TOR3A: variants seen among roughly 807,000 people sequenced by gnomAD.
TOR3A encodes torsin-3A.
In TOR3A, 44 loss-of-function variants were observed where a neutral mutation model predicts 42.1. The observed-to-expected ratio is 1.04, with a 90% CI of 0.82 to 1.34. The LOEUF (loss-of-function observed/expected upper bound fraction) is 1.34, where lower values mean the gene tolerates loss of function less well. TOR3A is among the 40% of genes most tolerant of loss of function. The pLI is 0.00. For synonymous variants in TOR3A, 227 were observed against 213.2 expected (o/e 1.06, Z -0.57); for missense variants, 521 against 507.6 (o/e 1.03, Z -0.25).
chr1:179,093,177 C>T (rs1024882771), intron 4 of TOR3A, among the ~76,000 whole-genome samples: 1 of 152,122 alleles, frequency 6.6e-6, no homozygotes, highest in African/African-American at 2.4e-5. Flanking sequence ...GGCCAAGTCT[C>T]CACTACCTCT....
chr1:179,095,846 A>AGAT lies in TOR3A; in HGVS notation c.*629_*631dup, dbSNP rs1166841511. 2.0e-6 allele frequency: 2 copies of AGAT among 985,922 alleles called. No individual in the cohort carries two copies. Among genetic ancestry groups the AGAT allele is most frequent in the African/African-American group, 3.5e-5 (2 of 57,046 alleles). The allele number at this position is 985,922 out of a possible 1,614,324, so 61.1% of individuals were successfully genotyped here. A position where few individuals can be genotyped will look rare whatever the true frequency, so the allele number is the denominator to read the frequency against. On this transcript the variant is annotated 3_prime_UTR_variant, in exon 6 of 6. Transcript: ENST00000367627. Reference sequence around the variant, plus strand: ...GCTGAAGGGAAAAGTACACAGAGGAAGATATTTTACAAACCAGGTCAGTGT... The same window carrying AGAT: ...GCTGAAGGGAAAAGTACACAGAGGAAGATGATATTTTACAAACCAGGTCAGTGT...
At chr1:179,090,406 T>C (rs745357762) in intron 4 of TOR3A, among the ~76,000 whole-genome samples, 4 of 152,204 alleles carry the variant, frequency 2.6e-5, no homozygotes, top group South Asian at 2.1e-4. Context: ...ACTGTTGATA[T>C]TGGAGTCTCT....
rs1366415045 is a variant in TOR3A, at chr1:179,087,070, C to T, written c.640-841C>T. Among the ~76,000 whole-genome samples, 3 of 152,254 alleles carry T rather than the reference C, an allele frequency of 2.0e-5. No individual in the cohort carries two copies. In the East Asian group the frequency reaches 5.8e-4, roughly 29 times the overall value. On this transcript the variant is annotated intron_variant, in intron 3 of 5. Coordinates refer to ENST00000367627, the MANE Select transcript of TOR3A (RefSeq NM_022371.4). ...AGCCCCAGCTTCCCTGCTGTGAAAACTGGCATGTGCATAGCCCTGCACCTC... is the reference window on the plus strand; with the variant it reads ...AGCCCCAGCTTCCCTGCTGTGAAAATTGGCATGTGCATAGCCCTGCACCTC...
At chr1:179,084,195 C>G (rs1469360188) in intron 2 of TOR3A, among the ~76,000 whole-genome samples, 1 of 152,132 alleles carries the variant, frequency 6.6e-6, no homozygotes, top group Non-Finnish European at 1.5e-5. Context: ...CTGAAGAGTC[C>G]TTCCCAAGTG....
intron 3 of TOR3A, among the ~76,000 whole-genome samples, chr1:179,086,942 C>T (rs1426642916): frequency 2.6e-5 from 4 of 152,170 alleles, no homozygotes; most frequent in Non-Finnish European, 4.4e-5. Context: ...AGAGGCTGCC[C>T]GCGTCTCCTG....
chr1:179,089,887 G>A (rs1388134376), intron 4 of TOR3A, among the ~76,000 whole-genome samples: 1 of 152,060 alleles, frequency 6.6e-6, no homozygotes, highest in Admixed American at 6.5e-5. Flanking sequence ...GCTTCAGGTG[G>A]TGCCGGCCAC....
chr1:179,087,534 C>T (rs1336654523), intron 3 of TOR3A, among the ~76,000 whole-genome samples: 1 of 152,148 alleles, frequency 6.6e-6, no homozygotes, highest in Admixed American at 6.5e-5. Context: ...TGAAAGTTTG[C>T]GGGTGTGTGG....
chr1:179,088,676 GT>G lies in TOR3A; in HGVS notation c.818+588del, dbSNP rs553517106. On this transcript the variant is annotated intron_variant, in intron 4 of 5. Transcript: ENST00000367627. ...AAACCCATGCTTCCTCTGAGTACCTGTAGTTCAGTTGTGACGCTACCATGCG... is the reference window on the plus strand; with the variant it reads ...AAACCCATGCTTCCTCTGAGTACCTGAGTTCAGTTGTGACGCTACCATGCG... 3.9e-4 allele frequency among the ~76,000 whole-genome samples: 59 copies of G among 152,236 alleles called. 1 individual carries two copies. Among genetic ancestry groups the G allele is most frequent in the Non-Finnish European group, 3.5e-4 (24 of 68,050 alleles).
At chr1:179,087,416 CTT>C (rs1319945443) in intron 3 of TOR3A, among the ~76,000 whole-genome samples, 1 of 152,214 alleles carries the variant, frequency 6.6e-6, no homozygotes, top group Non-Finnish European at 1.5e-5. Flanking sequence ...ATGAGCCTCT[CTT>C]TGCCCATCAC....
intron 4 of TOR3A, among the ~76,000 whole-genome samples, chr1:179,090,697 A>C (rs1316320759): frequency 6.6e-6 from 1 of 151,972 alleles, no homozygotes; most frequent in Non-Finnish European, 1.5e-5. Context: ...CGGGCCAGGG[A>C]ATTGGGGCCG....
chr1:179,088,914 G>A (rs1206583788), intron 4 of TOR3A, among the ~76,000 whole-genome samples: 1 of 152,216 alleles, frequency 6.6e-6, no homozygotes, highest in Admixed American at 6.5e-5. Context: ...GTCAAACTGA[G>A]TGCTCCCTTC....
chr1:179,087,887 A>G, intron 3 of TOR3A, 24 bp from the exon 4 acceptor site: 1 of 1,519,644 alleles, frequency 6.6e-7, no homozygotes, highest in Non-Finnish European at 8.8e-7. Flanking sequence ...CCACTTCCCC[A>G]GCTGCTCCCT....
chr1:179,087,798 TG>T, intron 3 of TOR3A, 112 bp from the exon 4 acceptor site: 1 of 927,606 alleles, frequency 1.1e-6, no homozygotes, highest in Non-Finnish European at 1.5e-6. Flanking sequence ...GGGCGGGGGG[TG>T]GGGAACCCAG....
intron 5 of TOR3A, among the ~76,000 whole-genome samples, 200 bp from the exon 6 acceptor site, chr1:179,094,767 TA>T (rs1652688063): frequency 6.6e-6 from 1 of 152,118 alleles, no homozygotes; most frequent in Non-Finnish European, 1.5e-5. Flanking sequence ...TGGTCCCAGT[TA>T]CTCACAGGCT....
chr1:179,090,509 G>T (rs1372894211), intron 4 of TOR3A, among the ~76,000 whole-genome samples: 1 of 152,258 alleles, frequency 6.6e-6, no homozygotes, highest in Non-Finnish European at 1.5e-5. Context: ...CAAACTGCTA[G>T]AGTGACCAAG....
Position 179,095,801 on chromosome 1 carries a change from G to GA in TOR3A, c.*585dup, listed in dbSNP as rs1553210617. On this transcript the variant is annotated 3_prime_UTR_variant, in exon 6 of 6. Coordinates refer to ENST00000367627, the MANE Select transcript of TOR3A (RefSeq NM_022371.4). ...AAGCCAAGCTGCTTCTGTTGTGAGCGAATCAGCCAAGAGCCTGAGGCTGAA... is the reference window on the plus strand; with the variant it reads ...AAGCCAAGCTGCTTCTGTTGTGAGCGAAATCAGCCAAGAGCCTGAGGCTGAA... 152 of 987,304 alleles carry GA rather than the reference G, an allele frequency of 1.5e-4. No homozygotes were observed. The highest frequency in any genetic ancestry group is 1.7e-4 in the Non-Finnish European group (140 of 831,504). The allele number at this position is 987,304 out of a possible 1,614,324, so 61.2% of individuals were successfully genotyped here.
At position 179,085,757 on chromosome 1, in the gene TOR3A, G is replaced by C; in HGVS notation, c.503G>C (p.Trp168Ser). 1 of 1,614,228 alleles carries C rather than the reference G, an allele frequency of 6.2e-7. No homozygotes were observed. The change falls in exon 3 of 6, where the codon TGG becomes TCG. Residue 168 changes from tryptophan (W) to serine (S), a missense_variant. Physicochemically the swap from Trp to Ser is radical, Grantham distance 177 (BLOSUM62 -3). Transcript: ENST00000367627. The stretch of plus-strand genomic sequence containing the variant: ...GCCCTTGCTCTGTCGTTCCACGGCT[G>C]GTCTGGCACAGGCAAGAACTTCGTG... ...EKALALSFHG[W>S]SGTGKNFVAR... is the part of the protein sequence containing the mutation.
chr1:179,093,190 C>T (rs1314556506), intron 4 of TOR3A, among the ~76,000 whole-genome samples: 1 of 152,162 alleles, frequency 6.6e-6, no homozygotes, highest in Non-Finnish European at 1.5e-5. Flanking sequence ...CTACCTCTGT[C>T]CCAGCTTCCC....
rs1161507936 is a variant in TOR3A at position 179,084,295 on chromosome 1, C to T, written c.373+1242C>T. Among the ~76,000 whole-genome samples the T allele has an allele frequency of 2.0e-5, 3 of 152,144 alleles. No individual in the cohort carries two copies. The East Asian group carries it at 5.8e-4, about 29-fold the overall frequency. On this transcript the variant is annotated intron_variant, in intron 2 of 5. Transcript: ENST00000367627. The stretch of plus-strand genomic sequence containing the variant: ...TCTGTCACCTAGGCTGGAGCAATCT[C>T]GTCTCACTGCAAACTCTGCCTCCCA...
Sources: gnomAD v4.1 joint callset for allele counts (sites outside exome capture counted in the v4.1 genomes callset) on GRCh38, gnomAD v4.1.1 for gene constraint, MANE v1.5 for transcripts, NCBI Gene and HGNC (gene_info 2026-07-23, HGNC 2026-07-21) for gene names.